Variants in SP1 observed in about 807,000 individuals in gnomAD.
The protein encoded by SP1 is transcription factor Sp1.
In SP1, 6 loss-of-function variants were observed where a neutral mutation model predicts 66.3. The observed-to-expected ratio is 0.09, with a 90% CI of 0.05 to 0.18. The LOEUF (loss-of-function observed/expected upper bound fraction) is 0.18, where lower values mean the gene tolerates loss of function less well. SP1 is among the 10% of genes least tolerant of loss of function. The probability of loss-of-function intolerance (pLI) is 1.00; values close to 1 mark genes in which losing one functional copy is unlikely to be tolerated. For synonymous variants in SP1, 417 were observed against 360.8 expected (o/e 1.16, Z -1.77); for missense variants, 848 against 964.5 (o/e 0.88, Z 1.60).
intron 4 of SP1, among the ~76,000 whole-genome samples, chr12:53,407,838 G>A (rs189070211): frequency 0.13 from 19,029 of 146,680 alleles, 4,043 homozygotes; most frequent in African/African-American, 0.44. Context: ...GGGTTTCACC[G>A]TGTTAGCCAG....
At position 53,382,852 on chromosome 12, in the gene SP1, G is replaced by A; in HGVS notation, c.905G>A (p.Gly302Glu). The change falls in exon 3 of 6, where the codon GGG (glycine) becomes GAG (glutamate). Residue 302 changes from glycine to glutamate, a missense_variant. By Grantham distance (98) the Gly-to-Glu change is moderately conservative. Around this residue, in one of 7 missense-constraint regions of SP1, gnomAD observed 606 missense variants for 589.9 expected, o/e 1.03. Coordinates refer to ENST00000327443, the MANE Select transcript of SP1 (RefSeq NM_138473.3). ...QESGSQPVTS[G>E]TTISSASLVS... Reference sequence around the variant, plus strand: ...AGTGGCTCACAGCCTGTCACCTCAGGGACTACCATCAGTTCTGCCAGCTTG... The same window carrying A: ...AGTGGCTCACAGCCTGTCACCTCAGAGACTACCATCAGTTCTGCCAGCTTG... 1 of 1,614,082 alleles carries A rather than the reference G, an allele frequency of 6.2e-7. No homozygotes were observed. Among genetic ancestry groups the A allele is most frequent in the South Asian group, 1.1e-5 (1 of 91,076 alleles).
intron 3 of SP1, among the ~76,000 whole-genome samples, chr12:53,405,832 A>G (rs111579872): frequency 0.034 from 5,136 of 152,130 alleles, 150 homozygotes; most frequent in South Asian, 0.1. Flanking sequence ...CAAATGCGTT[A>G]TAAGTGGAGT....
At position 53,411,126 on chromosome 12, in the gene SP1, G is replaced by A. The variant is rs759436396; in HGVS notation, c.2244G>A (p.Met748Ile). 6.2e-7 allele frequency: 1 copy of A among 1,614,186 alleles called. No homozygotes were observed. Among genetic ancestry groups the A allele is most frequent in the South Asian group, 1.1e-5 (1 of 91,088 alleles). The stretch of plus-strand genomic sequence containing the variant: ...CTTCAGCCCTTATTACCACCAATAT[G>A]GTAGCCATGGAGGCCATCTGTCCAG... ...ATPSALITTN[M>I]VAMEAICPEG... Residue 748 changes from methionine to isoleucine, a missense_variant, in exon 6 of 6, where the codon ATG becomes ATA. Met to Ile is a conservative substitution (Grantham distance 10). Transcript: ENST00000327443.
At chr12:53,405,918 T>G (rs1565816813) in intron 3 of SP1, among the ~76,000 whole-genome samples, 1 of 151,794 alleles carries the variant, frequency 6.6e-6, no homozygotes, top group Non-Finnish European at 1.5e-5. Flanking sequence ...AGTTAATGGG[T>G]GCAGCACATC....
intron 3 of SP1, among the ~76,000 whole-genome samples, chr12:53,398,836 TCAAA>T (rs922484176): frequency 1.3e-5 from 2 of 152,132 alleles, no homozygotes; most frequent in African/African-American, 4.8e-5. Flanking sequence ...TTAAAAACAG[TCAAA>T]CAATGCAAAA....
Position 53,413,343 on chromosome 12 carries a change from ATTC to A in SP1, c.*2108_*2110del, listed in dbSNP as rs1938934599. 6.6e-6 allele frequency: 1 copy of A among 152,328 alleles called. No homozygotes were observed. The highest frequency in any genetic ancestry group is 2.4e-5 in the African/African-American group (1 of 41,560). 9.4% of individuals were successfully genotyped at this position (152,328 alleles called of 1,614,324 possible). A position where few individuals can be genotyped will look rare whatever the true frequency, so the allele number is the denominator to read the frequency against. ...CATCCAGATCTATAGCAGAGTCCTT[ATTC>A]TTCTCATAAATCTTTTTACTTTGGC... On this transcript the variant is annotated 3_prime_UTR_variant, in exon 6 of 6. Transcript: ENST00000327443.
At chr12:53,381,880 C>G in intron 2 of SP1, 67 bp downstream of exon 2, 1 of 1,533,184 alleles carries the variant, frequency 6.5e-7, no homozygotes, top group Non-Finnish European at 8.8e-7. Context: ...AATTGCCTTA[C>G]TCTTCACAGA....
intron 3 of SP1, among the ~76,000 whole-genome samples, chr12:53,394,409 C>CTTTTT (rs59816754): frequency 4.9e-4 from 56 of 114,874 alleles, no homozygotes; most frequent in Non-Finnish European, 7.2e-4. Context: ...TTAAAAGTAT[C>CTTTTT]TTTTTTTTTT....
At position 53,392,514 on chromosome 12, in the gene SP1, G is replaced by A. The variant is rs368298676; in HGVS notation, c.1675+8892G>A. 1.1e-4 allele frequency among the ~76,000 whole-genome samples: 17 copies of A among 151,014 alleles called. No homozygotes were observed. The South Asian group carries it at 1.3e-3, about 11-fold the overall frequency. On this transcript the variant is annotated intron_variant, in intron 3 of 5. Coordinates refer to ENST00000327443, the MANE Select transcript of SP1 (RefSeq NM_138473.3). ...TGGGACTACAGGCGCCCGCCACTAC[G>A]CCCGGCTAATTTTTTTGTATTTTTA...
rs1242772769 is a variant in SP1, at chr12:53,413,842, G to A, written c.*2602G>A. 6.6e-6 allele frequency: 1 copy of A among 152,174 alleles called. No homozygotes were observed. Among genetic ancestry groups the A allele is most frequent in the Non-Finnish European group, 1.5e-5 (1 of 68,030 alleles). 9.4% of individuals were successfully genotyped at this position (152,174 alleles called of 1,614,324 possible). A position where few individuals can be genotyped will look rare whatever the true frequency, so the allele number is the denominator to read the frequency against. ...TAAGCTTTTAGAAGGTAATTTGATG[G>A]TATTTCTTTCTCGAATGAAAAGCTG... On this transcript the variant is annotated 3_prime_UTR_variant, in exon 6 of 6. Transcript: ENST00000327443.
At chr12:53,401,524 C>A (rs1938610876) in intron 3 of SP1, among the ~76,000 whole-genome samples, 2 of 148,790 alleles carry the variant, frequency 1.3e-5, no homozygotes, top group South Asian at 4.3e-4. Flanking sequence ...AGCAATGATA[C>A]TGGCAAGACA....
intron 4 of SP1, among the ~76,000 whole-genome samples, chr12:53,407,723 G>A (rs1226768966): frequency 6.0e-5 from 9 of 150,996 alleles, no homozygotes; most frequent in Non-Finnish European, 3.0e-5. Flanking sequence ...TGCAGGCTCC[G>A]CCCCCTGGGT....
chr12:53,385,353 T>C (rs980402697), intron 3 of SP1, among the ~76,000 whole-genome samples: 2 of 150,626 alleles, frequency 1.3e-5, no homozygotes, highest in Non-Finnish European at 3.0e-5. Flanking sequence ...TCCAGCACTT[T>C]GGGAGGCCGA....
chr12:53,383,402 C>T lies in SP1; in HGVS notation c.1455C>T (p.Ala485=), dbSNP rs2136888992. Residue 485 remains alanine (A), a synonymous_variant, in exon 3 of 6, where the codon GCC becomes GCT. Coordinates refer to ENST00000327443, the MANE Select transcript of SP1 (RefSeq NM_138473.3). ...CACAAGCCCAAACAATCACCTTAGC[C>T]CCAATGCAGGGTGTTTCCTTGGGGC... The part of the protein sequence containing the change: ...QNPQAQTITL[A]PMQGVSLGQT... The T allele has an allele frequency of 6.2e-7, 1 of 1,614,214 alleles. No individual in the cohort carries two copies. The highest frequency in any genetic ancestry group is 1.7e-5 in the Admixed American group (1 of 60,020).
chr12:53,410,012 A>G (rs1301190382), intron 5 of SP1, among the ~76,000 whole-genome samples: 1 of 151,140 alleles, frequency 6.6e-6, no homozygotes, highest in Non-Finnish European at 1.5e-5. Context: ...ACTGTCTCAA[A>G]AAAAAAGGAA....
Position 53,383,514 on chromosome 12 carries a change from C to T in SP1, c.1567C>T (p.Leu523Phe). 6.2e-7 allele frequency: 1 copy of T among 1,614,186 alleles called. No individual in the cohort carries two copies. The highest frequency in any genetic ancestry group is 8.5e-7 in the Non-Finnish European group (1 of 1,180,034). The change falls in exon 3 of 6, where the codon CTC (leucine) becomes TTC (phenylalanine). Residue 523 changes from leucine to phenylalanine, a missense_variant. Around this residue, in one of 7 missense-constraint regions of SP1, gnomAD observed 606 missense variants for 589.9 expected, o/e 1.03. Coordinates refer to ENST00000327443, the MANE Select transcript of SP1 (RefSeq NM_138473.3). ...CACAGTCACTGTGAATGCTGCTCAA[C>T]TCTCCTCCATGCCAGGCCTCCAGAC... Reference protein sequence around the residue: ...AGTVTVNAAQLSSMPGLQTIN... With the variant: ...AGTVTVNAAQFSSMPGLQTIN...
At position 53,414,901 on chromosome 12, in the gene SP1, A is replaced by G. The variant is rs949085473; in HGVS notation, c.*3661A>G. 2.6e-5 allele frequency: 4 copies of G among 152,538 alleles called. No individual in the cohort carries two copies. Among genetic ancestry groups the G allele is most frequent in the Non-Finnish European group, 5.9e-5 (4 of 68,022 alleles). 9.4% of individuals were successfully genotyped at this position (152,538 alleles called of 1,614,324 possible). A position where few individuals can be genotyped will look rare whatever the true frequency, so the allele number is the denominator to read the frequency against. Reference sequence around the variant, plus strand: ...CTTGGGATCAGATCAAGAGTTTTGGAGATCAGGTACCAAGGAAATAAGGAC... The same window carrying G: ...CTTGGGATCAGATCAAGAGTTTTGGGGATCAGGTACCAAGGAAATAAGGAC... On this transcript the variant is annotated 3_prime_UTR_variant, in exon 6 of 6. Transcript: ENST00000327443.
In SP1 at chr12:53,383,026, G is replaced by C. The variant is rs1389486132; in HGVS notation, c.1079G>C (p.Ser360Thr). 1.9e-6 allele frequency: 3 copies of C among 1,614,202 alleles called. No homozygotes were observed. Among genetic ancestry groups the C allele is most frequent in the African/African-American group, 1.3e-5 (1 of 75,066 alleles). ...NSQGQTPQRV[S>T]GLQGSDALNI... ...CAAGGCCAGACACCCCAGAGGGTCA[G>C]TGGGCTACAGGGGTCTGATGCTCTG... is the stretch of plus-strand genomic sequence containing the variant. Residue 360 changes from serine to threonine, a missense_variant, in exon 3 of 6, where the codon AGT (serine) becomes ACT (threonine). Around this residue, in one of 7 missense-constraint regions of SP1, gnomAD observed 606 missense variants for 589.9 expected, o/e 1.03. Coordinates refer to ENST00000327443, the MANE Select transcript of SP1 (RefSeq NM_138473.3).
chr12:53,404,973 A>G (rs552995964), intron 3 of SP1, among the ~76,000 whole-genome samples: 2 of 152,222 alleles, frequency 1.3e-5, no homozygotes, highest in East Asian at 1.9e-4. Flanking sequence ...AGCTAGGATT[A>G]CAAGCGTACT....
Sources: gnomAD v4.1 joint callset for allele counts (sites outside exome capture counted in the v4.1 genomes callset) on GRCh38, gnomAD v4.1.1 for gene constraint, gnomAD v4.1.1 regional missense constraint, MANE v1.5 for transcripts, NCBI Gene and HGNC (gene_info 2026-07-23, HGNC 2026-07-21) for gene names.